Variants in APBB2 observed in about 807,000 individuals in gnomAD.
APBB2 encodes Fe65-like 1.
APBB2 carries 38 observed loss-of-function variants against 82.5 expected under a neutral mutation model. The ratio of observed to expected loss-of-function variants is 0.46; its 90% confidence interval spans 0.36 to 0.60. The LOEUF is 0.60. Ranked by LOEUF, APBB2 falls within the 20% of genes least tolerant of loss-of-function variation. The probability of loss-of-function intolerance (pLI) is 0.00; values close to 1 mark genes in which losing one functional copy is unlikely to be tolerated. For missense variants in APBB2, 772 were observed against 972.3 expected (o/e 0.79, Z 2.74); for synonymous variants, 341 against 368.2 (o/e 0.93, Z 0.85).
At chr4:41,210,710 T>C (rs1262494903) in intron 1 of APBB2, among the ~76,000 whole-genome samples, 4 of 152,236 alleles carry the variant, frequency 2.6e-5, no homozygotes, top group Non-Finnish European at 5.9e-5. Context: ...ATTCTGAAGA[T>C]ATGCAGTTCC....
At chr4:41,160,006 A>G (rs150648962) in intron 1 of APBB2, among the ~76,000 whole-genome samples, 1,651 of 144,420 alleles carry the variant, frequency 0.011, 166 homozygotes, top group African/African-American at 0.044. Flanking sequence ...GAAGAAGAAG[A>G]AGAAGAAGAA....
chr4:41,001,669 G>C (rs1454713574), intron 6 of APBB2, among the ~76,000 whole-genome samples: 1 of 152,118 alleles, frequency 6.6e-6, no homozygotes, highest in Non-Finnish European at 1.5e-5. Context: ...CCTACGGTCG[G>C]GAGTTCAAGA....
chr4:40,916,650 A>G (rs1393593039), intron 10 of APBB2, among the ~76,000 whole-genome samples: 1 of 152,196 alleles, frequency 6.6e-6, no homozygotes, highest in Non-Finnish European at 1.5e-5. Flanking sequence ...GGCCACCAGG[A>G]AAGACAGACA....
intron 1 of APBB2, among the ~76,000 whole-genome samples, chr4:41,200,798 C>CT (rs1383163897): frequency 6.6e-6 from 1 of 152,052 alleles, no homozygotes; most frequent in African/African-American, 2.4e-5. Flanking sequence ...TTAGACCTCT[C>CT]TATCGTCCTG....
rs890757118 is a variant in APBB2, at chr4:41,014,551, C to G, written c.20-153G>C. 5.2e-6 allele frequency: 4 copies of G among 765,918 alleles called. No individual in the cohort carries two copies. The African/African-American group carries it at 7.0e-5, about 13-fold the overall frequency. 47.4% of individuals were successfully genotyped at this position (765,918 alleles called of 1,614,324 possible). ...GGACCCATTTTCCTCTTTATTTCAC[C>G]ATTTGTTCCTATATTAAACAGGAGC... On this transcript the variant is annotated intron_variant, in intron 5 of 17. Transcript: ENST00000508593.
intron 6 of APBB2, among the ~76,000 whole-genome samples, chr4:40,948,428 C>T (rs879943350): frequency 5.3e-5 from 8 of 152,176 alleles, no homozygotes; most frequent in Admixed American, 1.3e-4. Context: ...AAAAATTAGC[C>T]GGGCTTGTTG....
At chr4:40,822,384 G>C (rs1198741677) in intron 16 of APBB2, 1 of 203,146 alleles carries the variant, frequency 4.9e-6, no homozygotes, top group Non-Finnish European at 9.9e-6. Flanking sequence ...CAGGACACCT[G>C]GTGGCCCAAA....
chr4:40,816,325 T>A, intron 17 of APBB2, 66 bp from the exon 18 acceptor site: 3 of 1,546,756 alleles, frequency 1.9e-6, no homozygotes, highest in Non-Finnish European at 1.8e-6. Flanking sequence ...AATATGACTT[T>A]AAGTCATGAC....
chr4:41,064,042 G>A (rs371224836), intron 4 of APBB2, among the ~76,000 whole-genome samples: 4 of 139,260 alleles, frequency 2.9e-5, no homozygotes. Context: ...GCAGTGGCGC[G>A]ATCTCGGTTC....
intron 11 of APBB2, among the ~76,000 whole-genome samples, chr4:40,891,763 C>T (rs1772082675): frequency 6.6e-6 from 1 of 152,154 alleles, no homozygotes; most frequent in African/African-American, 2.4e-5. Flanking sequence ...ACAGATTCAC[C>T]AGCTACTCAG....
At chr4:41,035,364 T>C (rs535509292) in intron 4 of APBB2, among the ~76,000 whole-genome samples, 35 of 152,330 alleles carry the variant, frequency 2.3e-4, no homozygotes, top group Admixed American at 8.5e-4. Context: ...GTAAGGCTCA[T>C]TACTCTGGTA....
At chr4:40,996,983 G>A (rs62412079) in intron 6 of APBB2, among the ~76,000 whole-genome samples, 5,089 of 152,102 alleles carry the variant, frequency 0.033, 146 homozygotes, top group African/African-American at 0.083. Context: ...CAACCATCAA[G>A]CCTCCCAGAT....
At chr4:41,169,467 T>C (rs1163303993) in intron 1 of APBB2, among the ~76,000 whole-genome samples, 1 of 152,218 alleles carries the variant, frequency 6.6e-6, no homozygotes, top group Non-Finnish European at 1.5e-5. Context: ...CATGCAAACA[T>C]TTCTTTGTTC....
chr4:40,942,731 A>G (rs1173073445), intron 7 of APBB2, among the ~76,000 whole-genome samples: 1 of 152,102 alleles, frequency 6.6e-6, no homozygotes, highest in East Asian at 1.9e-4. Context: ...AGTAGTTAGC[A>G]AGGGGTACGA....
intron 1 of APBB2, among the ~76,000 whole-genome samples, chr4:41,155,379 G>A (rs771194543): frequency 6.6e-6 from 1 of 152,208 alleles, no homozygotes; most frequent in Non-Finnish European, 1.5e-5. Flanking sequence ...GATAACTGTA[G>A]TTCAGCAATT....
chr4:40,911,283 CGG>C (rs1386885208), intron 10 of APBB2, among the ~76,000 whole-genome samples: 1 of 152,092 alleles, frequency 6.6e-6, no homozygotes, highest in Non-Finnish European at 1.5e-5. Context: ...CTGGTATACT[CGG>C]GGGTCCTGGC....
chr4:41,077,667 T>C (rs905072316), intron 3 of APBB2, among the ~76,000 whole-genome samples: 2 of 152,190 alleles, frequency 1.3e-5, no homozygotes, highest in Admixed American at 6.5e-5. Flanking sequence ...AAATGATATT[T>C]TGACACATGC....
At chr4:41,070,224 T>A (rs1733325465) in intron 3 of APBB2, among the ~76,000 whole-genome samples, 1 of 152,166 alleles carries the variant, frequency 6.6e-6, no homozygotes, top group African/African-American at 2.4e-5. Context: ...TCCTAATATA[T>A]ATTTCTATTA....
intron 12 of APBB2, among the ~76,000 whole-genome samples, chr4:40,847,769 C>T (rs550181562): frequency 6.6e-6 from 1 of 151,568 alleles, no homozygotes; most frequent in South Asian, 2.1e-4. Context: ...AAAGCCAATA[C>T]ATATGGCCTT....
Sources: gnomAD v4.1 joint callset for allele counts (sites outside exome capture counted in the v4.1 genomes callset) on GRCh38, gnomAD v4.1.1 for gene constraint, MANE v1.5 for transcripts, NCBI Gene and HGNC (gene_info 2026-07-23, HGNC 2026-07-21) for gene names.